Variants in RAPGEF2 observed in about 807,000 individuals in gnomAD.
The protein encoded by RAPGEF2 is Rap guanine nucleotide exchange factor 2, also known as PDZ domain containing guanine nucleotide exchange factor (GEF) 1.
Under a neutral mutation model 186.7 loss-of-function variants are expected in RAPGEF2, and 54 were observed. The ratio of observed to expected loss-of-function variants is 0.29; its 90% CI spans 0.23 to 0.36. RAPGEF2 has a LOEUF of 0.36. Among genes scored for constraint, RAPGEF2 ranks in the 10% least tolerant of loss-of-function variants. The pLI is 1.00. For synonymous variants in RAPGEF2, 712 were observed against 705.9 expected (o/e 1.01, Z -0.14); for missense variants, 1,532 against 2,045.0 (o/e 0.75, Z 4.84).
intron 4 of RAPGEF2, among the ~76,000 whole-genome samples, chr4:159,215,957 TAGTA>T (rs1422345255): frequency 6.6e-6 from 1 of 152,182 alleles, no homozygotes; most frequent in Non-Finnish European, 1.5e-5. Context: ...GCATCAGACT[TAGTA>T]GGCAAAATAA....
chr4:159,281,586 G>A (rs1034157687), intron 7 of RAPGEF2, among the ~76,000 whole-genome samples: 11 of 149,796 alleles, frequency 7.3e-5, no homozygotes, highest in African/African-American at 2.0e-4. Context: ...CAGGAGAATC[G>A]CTTGAACCCA....
chr4:159,355,878 G>GCCCGCC lies in RAPGEF2; in HGVS notation c.4680_4681insGCCCCC (p.Pro1560_Pro1561insAlaPro). 3.4e-4 allele frequency: 517 copies of GCCCGCC among 1,514,960 alleles called. No homozygotes were observed. The highest frequency in any genetic ancestry group is 5.0e-4 in the East Asian group (20 of 40,018). 93.8% of individuals were successfully genotyped at this position (1,514,960 alleles called of 1,614,324 possible). On this transcript the variant is annotated inframe_insertion, in exon 29 of 30. Coordinates refer to ENST00000691494, the MANE Select transcript of RAPGEF2 (RefSeq NM_001394067.2). ...CACGAAAGGAGGGCAGGTATCGAGA[G>GCCCGCC]CCCCCGCCCACCCCTCCCGGCTACA...
At chr4:159,348,248 ATG>A (rs1561330017) in intron 25 of RAPGEF2, among the ~76,000 whole-genome samples, 336 of 65,198 alleles carry the variant, frequency 5.2e-3, no homozygotes, top group African/African-American at 9.2e-3. Context: ...AGATAGATGG[ATG>A]GATGGATGGA....
chr4:159,277,501 A>C (rs1019980378), intron 7 of RAPGEF2, among the ~76,000 whole-genome samples: 1 of 152,180 alleles, frequency 6.6e-6, no homozygotes, highest in Non-Finnish European at 1.5e-5. Context: ...GAATCGCCAC[A>C]CTGACTTCCA....
chr4:159,185,573 T>C (rs894746490), intron 1 of RAPGEF2, among the ~76,000 whole-genome samples: 1 of 152,206 alleles, frequency 6.6e-6, no homozygotes, highest in African/African-American at 2.4e-5. Context: ...AAAGATCATA[T>C]ATTCCACTGT....
intron 4 of RAPGEF2, among the ~76,000 whole-genome samples, chr4:159,234,872 A>G (rs1289130854): frequency 6.6e-6 from 1 of 152,076 alleles, no homozygotes; most frequent in African/African-American, 2.4e-5. Context: ...CGATTCTCCT[A>G]CCTCAGCCTC....
chr4:159,298,922 T>C (rs1337691342), intron 7 of RAPGEF2, among the ~76,000 whole-genome samples: 1 of 152,122 alleles, frequency 6.6e-6, no homozygotes, highest in South Asian at 2.1e-4. Flanking sequence ...TATTCAGTCC[T>C]CACAACACAG....
intron 7 of RAPGEF2, among the ~76,000 whole-genome samples, chr4:159,259,306 C>G (rs1378299678): frequency 1.3e-5 from 2 of 152,122 alleles, no homozygotes; most frequent in Non-Finnish European, 2.9e-5. Context: ...CATTTAAGTG[C>G]CTTTTGAAGA....
chr4:159,285,724 A>G (rs531286238), intron 7 of RAPGEF2, among the ~76,000 whole-genome samples: 2 of 152,264 alleles, frequency 1.3e-5, no homozygotes, highest in South Asian at 2.1e-4. Context: ...TTATCTACTT[A>G]CCCCATGTGT....
At chr4:159,251,116 C>G (rs544406095) in intron 7 of RAPGEF2, among the ~76,000 whole-genome samples, 3 of 152,190 alleles carry the variant, frequency 2.0e-5, no homozygotes, top group African/African-American at 4.8e-5. Context: ...CCAGCTGGCC[C>G]GCCTGCCTGC....
intron 7 of RAPGEF2, chr4:159,267,946 C>A: frequency 7.5e-7 from 1 of 1,331,828 alleles, no homozygotes; most frequent in South Asian, 2.0e-5. Flanking sequence ...AAAATGGAGA[C>A]GAACACTGTT....
intron 7 of RAPGEF2, among the ~76,000 whole-genome samples, chr4:159,271,099 T>A (rs1758069175): frequency 6.6e-6 from 1 of 152,214 alleles, no homozygotes; most frequent in Non-Finnish European, 1.5e-5. Context: ...CTCATTAAGT[T>A]AGGGAAATTG....
intron 1 of RAPGEF2, among the ~76,000 whole-genome samples, chr4:159,126,249 G>A (rs1409268071): frequency 6.6e-6 from 1 of 151,868 alleles, no homozygotes; most frequent in Non-Finnish European, 1.5e-5. Context: ...TTTTTTAAAG[G>A]ACGAGAGTTA....
chr4:159,349,346 T>G (rs879546056), intron 25 of RAPGEF2, among the ~76,000 whole-genome samples: 8 of 152,232 alleles, frequency 5.3e-5, no homozygotes, highest in Non-Finnish European at 8.8e-5. Context: ...AAATTGAGAG[T>G]GCCTCATAAT....
chr4:159,234,587 G>A (rs1367302051), intron 4 of RAPGEF2, among the ~76,000 whole-genome samples: 1 of 130,086 alleles, frequency 7.7e-6, no homozygotes, highest in Non-Finnish European at 1.6e-5. Flanking sequence ...ACAGAGTCTC[G>A]CTCTGTCGCC....
chr4:159,198,845 C>G (rs1464273595), intron 3 of RAPGEF2, among the ~76,000 whole-genome samples: 1 of 151,618 alleles, frequency 6.6e-6, no homozygotes, highest in African/African-American at 2.4e-5. Context: ...AATGGTGGCT[C>G]GAGGTGGGCG....
rs115401061 is a variant in RAPGEF2 at position 159,201,934 on chromosome 4, T to C, written c.198-8566T>C. ...CAATAGCCCTCGATGATGATTCCTG[T>C]CTCCTTTTCTCCAGATGCCAACAGC... On this transcript the variant is annotated intron_variant, in intron 3 of 29. Coordinates refer to ENST00000691494, the MANE Select transcript of RAPGEF2 (RefSeq NM_001394067.2). Among the ~76,000 whole-genome samples, 1,428 of 152,240 alleles carry C rather than the reference T, an allele frequency of 9.4e-3. 13 individuals are homozygous for C. Among genetic ancestry groups the C allele is most frequent in the Middle Eastern group, 0.02 (6 of 294 alleles).
chr4:159,156,608 A>T (rs1357580864), intron 1 of RAPGEF2, among the ~76,000 whole-genome samples: 1 of 152,064 alleles, frequency 6.6e-6, no homozygotes, highest in Non-Finnish European at 1.5e-5. Flanking sequence ...TACATTAGGT[A>T]TTTCTCCTAA....
intron 3 of RAPGEF2, among the ~76,000 whole-genome samples, chr4:159,208,254 G>T (rs986205919): frequency 1.3e-5 from 2 of 152,210 alleles, no homozygotes; most frequent in African/African-American, 4.8e-5. Flanking sequence ...GTTGTAAATA[G>T]AATTTAGTGT....
Sources: allele counts gnomAD v4.1 joint callset (sites outside exome capture counted in the v4.1 genomes callset), GRCh38; gene constraint gnomAD v4.1.1; transcripts MANE v1.5; gene names NCBI Gene and HGNC (gene_info 2026-07-23, HGNC 2026-07-21).